The following CACNA2D3 variants were observed in gnomAD, a reference collection of about 807,000 sequenced individuals.
CACNA2D3 encodes voltage-dependent calcium channel subunit alpha-2/delta-3.
A neutral mutation model predicts 160.6 loss-of-function variants in CACNA2D3; 60 were observed. The ratio of observed to expected loss-of-function variants is 0.37; its 90% CI spans 0.30 to 0.46. CACNA2D3 has a LOEUF of 0.46. Among genes scored for constraint, CACNA2D3 ranks in the 20% least tolerant of loss-of-function variants. CACNA2D3 has a pLI of 1.00. For synonymous variants in CACNA2D3, 558 were observed against 492.9 expected (o/e 1.13, Z -1.75); for missense variants, 1,205 against 1,365.0 (o/e 0.88, Z 1.85).
At chr3:55,002,157 CAAA>C (rs543053532) in intron 31 of CACNA2D3, among the ~76,000 whole-genome samples, 4 of 93,924 alleles carry the variant, frequency 4.3e-5, no homozygotes, top group Non-Finnish European at 4.8e-5. Flanking sequence ...GACTCCATAT[CAAA>C]AAAAAAAAAA....
chr3:54,164,785 C>T (rs1266463300), intron 2 of CACNA2D3, among the ~76,000 whole-genome samples: 1 of 152,154 alleles, frequency 6.6e-6, no homozygotes, highest in Admixed American at 6.5e-5. Flanking sequence ...TACAGTACTG[C>T]ACCCCTGAGC....
intron 16 of CACNA2D3, among the ~76,000 whole-genome samples, 182 bp downstream of exon 16, chr3:54,838,830 A>C (rs545293035): frequency 1.0e-3 from 156 of 152,234 alleles, no homozygotes; most frequent in South Asian, 5.8e-3. Context: ...TATTATTTAC[A>C]ATGACTTGCT....
chr3:54,470,499 A>T (rs964952291), intron 4 of CACNA2D3, among the ~76,000 whole-genome samples: 1 of 152,242 alleles, frequency 6.6e-6, no homozygotes, highest in Non-Finnish European at 1.5e-5. Flanking sequence ...TGTAAAGACT[A>T]TCAAGTCTAT....
chr3:54,717,998 A>G (rs1041624834), intron 11 of CACNA2D3, among the ~76,000 whole-genome samples: 5 of 152,210 alleles, frequency 3.3e-5, no homozygotes, highest in African/African-American at 4.8e-5. Flanking sequence ...TGTATATGAA[A>G]TACAGATATT....
Position 54,146,100 on chromosome 3 carries a change from T to C in CACNA2D3, c.204+22506T>C, listed in dbSNP as rs547923055. On this transcript the variant is annotated intron_variant, in intron 2 of 37. Coordinates refer to ENST00000474759, the MANE Select transcript of CACNA2D3 (RefSeq NM_018398.3). ...TTAAATAGGTCTTTTTTCCTGGTTCTCTGTTCGGGATGGGGCAGCCCTCTT... is the reference window on the plus strand; with the variant it reads ...TTAAATAGGTCTTTTTTCCTGGTTCCCTGTTCGGGATGGGGCAGCCCTCTT... 2.6e-4 allele frequency among the ~76,000 whole-genome samples: 40 copies of C among 152,328 alleles called. 1 individual carries two copies. The South Asian group carries it at 7.3e-3, about 28-fold the overall frequency.
At chr3:54,531,612 C>T (rs1034583117) in intron 5 of CACNA2D3, among the ~76,000 whole-genome samples, 3 of 152,146 alleles carry the variant, frequency 2.0e-5, no homozygotes, top group African/African-American at 7.2e-5. Flanking sequence ...GGCGGCATCT[C>T]TTGCTGTGTG....
intron 12 of CACNA2D3, among the ~76,000 whole-genome samples, chr3:54,759,533 A>G (rs1011308639): frequency 2.6e-5 from 4 of 152,000 alleles, no homozygotes; most frequent in African/African-American, 7.2e-5. Flanking sequence ...GTTGGAATCA[A>G]ATGTGCATAA....
chr3:54,289,086 A>C lies in CACNA2D3; in HGVS notation c.205-31356A>C, dbSNP rs559048295. Among the ~76,000 whole-genome samples the C allele has an allele frequency of 2.6e-5, 4 of 152,154 alleles. 1 individual carries two copies. In the East Asian group the frequency reaches 5.8e-4, roughly 22 times the overall value. On this transcript the variant is annotated intron_variant, in intron 2 of 37. Transcript: ENST00000474759. Reference sequence around the variant, plus strand: ...CCTGGCCAGGAGAAGGAAATAAAGGATATTCAATTAGGAAAAGAGGAAGTC... The same window carrying C: ...CCTGGCCAGGAGAAGGAAATAAAGGCTATTCAATTAGGAAAAGAGGAAGTC...
intron 17 of CACNA2D3, among the ~76,000 whole-genome samples, chr3:54,853,690 C>T (rs1437980912): frequency 6.6e-6 from 1 of 152,218 alleles, no homozygotes; most frequent in Admixed American, 6.5e-5. Flanking sequence ...GGCTCACAGA[C>T]AAAGTCTCTG....
At chr3:54,909,981 C>G (rs144161412) in intron 27 of CACNA2D3, among the ~76,000 whole-genome samples, 1 of 152,108 alleles carries the variant, frequency 6.6e-6, no homozygotes, top group Non-Finnish European at 1.5e-5. Flanking sequence ...ATGCTTTGAT[C>G]AGTGTCTGGT....
At chr3:54,162,450 T>C (rs779672544) in intron 2 of CACNA2D3, among the ~76,000 whole-genome samples, 14 of 152,096 alleles carry the variant, frequency 9.2e-5, no homozygotes, top group Non-Finnish European at 1.8e-4. Context: ...ATATAGTCTC[T>C]GTCTAGGATG....
intron 27 of CACNA2D3, among the ~76,000 whole-genome samples, chr3:54,964,962 C>T (rs992269516): frequency 2.6e-5 from 4 of 152,098 alleles, no homozygotes; most frequent in Admixed American, 6.5e-5. Context: ...ACTTCCTCTG[C>T]GAGCTTTCAG....
intron 27 of CACNA2D3, chr3:54,927,913 A>C: frequency 6.2e-7 from 1 of 1,613,702 alleles, no homozygotes; most frequent in East Asian, 2.2e-5. Context: ...ACCTTTCATG[A>C]CTGAGTCTCC....
At chr3:54,441,709 C>T (rs1700147480) in intron 4 of CACNA2D3, among the ~76,000 whole-genome samples, 1 of 152,214 alleles carries the variant, frequency 6.6e-6, no homozygotes, top group Non-Finnish European at 1.5e-5. Context: ...ATTTCTTCAT[C>T]ATTAAACAAA....
At chr3:54,620,182 C>T (rs1259859658) in intron 9 of CACNA2D3, among the ~76,000 whole-genome samples, 1 of 152,152 alleles carries the variant, frequency 6.6e-6, no homozygotes. Context: ...TGGGACCCTG[C>T]TCGTCATTTA....
At chr3:54,257,957 A>G (rs1702332011) in intron 2 of CACNA2D3, among the ~76,000 whole-genome samples, 4 of 152,250 alleles carry the variant, frequency 2.6e-5, no homozygotes, top group Admixed American at 1.3e-4. Flanking sequence ...ATTGACCATT[A>G]CATTGGATAA....
intron 5 of CACNA2D3, among the ~76,000 whole-genome samples, chr3:54,562,088 A>G (rs111423302): frequency 0.029 from 4,371 of 152,242 alleles, 182 homozygotes; most frequent in African/African-American, 0.1. Flanking sequence ...ACACATGGGA[A>G]TTATGGGAGC....
chr3:54,602,594 T>C (rs937469671), intron 9 of CACNA2D3, among the ~76,000 whole-genome samples: 3 of 150,214 alleles, frequency 2.0e-5, no homozygotes, highest in African/African-American at 7.4e-5. Flanking sequence ...ACAGAGCATA[T>C]GTGAATTATA....
chr3:54,382,356 G>A (rs1263542229), intron 3 of CACNA2D3, among the ~76,000 whole-genome samples: 1 of 152,190 alleles, frequency 6.6e-6, no homozygotes, highest in East Asian at 1.9e-4. Context: ...GGACTTAGAT[G>A]ATTATAATGA....
Sources: allele counts gnomAD v4.1 joint callset (sites outside exome capture counted in the v4.1 genomes callset), GRCh38; gene constraint gnomAD v4.1.1; transcripts MANE v1.5; gene names NCBI Gene and HGNC (gene_info 2026-07-23, HGNC 2026-07-21).